The following DYNC1I1 variants were observed in gnomAD, a reference collection of about 807,000 sequenced individuals.
DYNC1I1 encodes the protein cytoplasmic dynein 1 intermediate chain 1.
In DYNC1I1, 43 loss-of-function variants were observed where a neutral mutation model predicts 86.6. That is an observed-to-expected ratio of 0.50 (90% CI 0.39 to 0.64). DYNC1I1 has a LOEUF of 0.64. DYNC1I1 is among the 30% of genes least tolerant of loss of function. The pLI is 0.00. For missense variants in DYNC1I1, 604 were observed against 788.8 expected, an observed-to-expected ratio of 0.77 and a Z score of 2.81; for synonymous variants, 262 against 283.7, an observed-to-expected ratio of 0.92 and a Z score of 0.77.
chr7:95,939,652 A>G (rs1324310133), intron 6 of DYNC1I1, among the ~76,000 whole-genome samples: 1 of 150,802 alleles, frequency 6.6e-6, no homozygotes, highest in Non-Finnish European at 1.5e-5. Context: ...TTTGCTTGGT[A>G]GATCTTCCTC....
rs539873311 is a variant in DYNC1I1, at chr7:95,824,594, A to G, written c.315-3463A>G. ...AATAAGATCTCTGCCCATTGGTTAA[A>G]TAAATTATTCTAACTGGAGAAGAGA... On this transcript the variant is annotated intron_variant, in intron 4 of 16. Coordinates refer to ENST00000447467, the MANE Select transcript of DYNC1I1 (RefSeq NM_001135556.2). Among the ~76,000 whole-genome samples, 150 of 152,352 alleles carry G rather than the reference A, an allele frequency of 9.8e-4. 1 individual carries two copies. The Middle Eastern group carries it at 0.017, about 17-fold the overall frequency.
At chr7:95,805,432 A>G (rs1425497618) in intron 2 of DYNC1I1, among the ~76,000 whole-genome samples, 1 of 152,084 alleles carries the variant, frequency 6.6e-6, no homozygotes, top group Non-Finnish European at 1.5e-5. Flanking sequence ...GAGAAGGTAA[A>G]TAGGATAGTA....
At chr7:95,806,301 T>C (rs1203329978) in intron 2 of DYNC1I1, among the ~76,000 whole-genome samples, 3 of 152,206 alleles carry the variant, frequency 2.0e-5, no homozygotes, top group Non-Finnish European at 4.4e-5. Flanking sequence ...AAATGTGATG[T>C]GATATGGGAA....
intron 13 of DYNC1I1, 70 bp from the exon 14 acceptor site, chr7:96,039,207 G>A (rs1165943359): frequency 2.0e-6 from 3 of 1,523,680 alleles, no homozygotes; most frequent in South Asian, 1.3e-5. Context: ...TTTTTGTTTT[G>A]TTTTGTTTTT....
chr7:95,908,957 T>C (rs1022371387), intron 6 of DYNC1I1, among the ~76,000 whole-genome samples: 2 of 151,796 alleles, frequency 1.3e-5, no homozygotes, highest in Admixed American at 1.3e-4. Context: ...GGGAGGACTA[T>C]GGGACGGCAG....
At chr7:96,096,870 A>T (rs553525568) in intron 16 of DYNC1I1, among the ~76,000 whole-genome samples, 2 of 152,250 alleles carry the variant, frequency 1.3e-5, no homozygotes, top group African/African-American at 4.8e-5. Flanking sequence ...TAGGATTATT[A>T]TGACGAATGA....
chr7:96,053,921 G>C lies in DYNC1I1; in HGVS notation c.1509+14500G>C, dbSNP rs111716922. On this transcript the variant is annotated intron_variant, in intron 14 of 16. Transcript: ENST00000447467. ...ATTATTCTCATTCTTCTGGTACTTT[G>C]TAAAGAATAGATATAATAAGAATTT... 6.0e-3 allele frequency among the ~76,000 whole-genome samples: 913 copies of C among 152,158 alleles called. 9 individuals carry two copies. The highest frequency in any genetic ancestry group is 0.021 in the African/African-American group (863 of 41,518).
At chr7:96,104,439 C>G (rs1006536074) in intron 16 of DYNC1I1, among the ~76,000 whole-genome samples, 1 of 152,034 alleles carries the variant, frequency 6.6e-6, no homozygotes, top group East Asian at 1.9e-4. Context: ...TCTAGTAAAT[C>G]TTTGCCACAG....
chr7:96,072,746 T>A (rs115048030), intron 14 of DYNC1I1, among the ~76,000 whole-genome samples: 82 of 152,328 alleles, frequency 5.4e-4, no homozygotes, highest in African/African-American at 2.0e-3. Flanking sequence ...TTTAGAATCT[T>A]TAGAACCTCA....
At chr7:96,066,696 C>T (rs1434662454) in intron 14 of DYNC1I1, among the ~76,000 whole-genome samples, 3 of 152,126 alleles carry the variant, frequency 2.0e-5, no homozygotes, top group Non-Finnish European at 4.4e-5. Context: ...ATTCTACCTC[C>T]CTTCTTTAGA....
At chr7:95,875,788 G>A (rs1018664647) in intron 6 of DYNC1I1, among the ~76,000 whole-genome samples, 1 of 152,154 alleles carries the variant, frequency 6.6e-6, no homozygotes, top group African/African-American at 2.4e-5. Flanking sequence ...CTTGTGATTT[G>A]TTCTTTTGGC....
intron 6 of DYNC1I1, among the ~76,000 whole-genome samples, chr7:95,890,872 G>GA (rs913087051): frequency 1.3e-5 from 2 of 152,104 alleles, no homozygotes; most frequent in African/African-American, 4.8e-5. Context: ...TAGTTTATTA[G>GA]AAAAAAATCT....
intron 6 of DYNC1I1, among the ~76,000 whole-genome samples, chr7:95,871,352 G>A (rs1325576944): frequency 6.6e-6 from 1 of 152,142 alleles, no homozygotes. Flanking sequence ...TACAGTTAGC[G>A]AGGGGGAAAG....
At chr7:96,013,043 C>T (rs780158039) in intron 10 of DYNC1I1, among the ~76,000 whole-genome samples, 2 of 151,828 alleles carry the variant, frequency 1.3e-5, no homozygotes, top group Non-Finnish European at 2.9e-5. Context: ...GTGATGGGTA[C>T]CCTAAAATCT....
intron 6 of DYNC1I1, among the ~76,000 whole-genome samples, chr7:95,965,474 A>G (rs1248331180): frequency 2.0e-5 from 3 of 152,340 alleles, no homozygotes. Flanking sequence ...TTTGTCATCA[A>G]TAATAACAAA....
At chr7:96,079,020 T>G (rs903750546) in intron 15 of DYNC1I1, among the ~76,000 whole-genome samples, 36 of 118,232 alleles carry the variant, frequency 3.0e-4, no homozygotes, top group African/African-American at 5.2e-4. Context: ...ACTTTTGGGG[T>G]TTTTTTTTGT....
chr7:95,827,950 G>T (rs955832133), intron 4 of DYNC1I1, 107 bp from the exon 5 acceptor site: 3 of 1,065,828 alleles, frequency 2.8e-6, no homozygotes, highest in Non-Finnish European at 4.3e-6. Flanking sequence ...TTCTGTGTAT[G>T]TATTGTATAT....
chr7:95,866,315 T>C (rs1395875337), intron 5 of DYNC1I1, among the ~76,000 whole-genome samples: 1 of 152,220 alleles, frequency 6.6e-6, no homozygotes, highest in East Asian at 1.9e-4. Context: ...GCTTCTAAAA[T>C]GACCACACGT....
intron 14 of DYNC1I1, among the ~76,000 whole-genome samples, chr7:96,043,774 C>A (rs1244286810): frequency 6.6e-6 from 1 of 151,804 alleles, no homozygotes; most frequent in African/African-American, 2.4e-5. Context: ...GCAGTGGCAC[C>A]ATCTCGGCTC....
Sources: gnomAD v4.1 joint callset for allele counts (sites outside exome capture counted in the v4.1 genomes callset) on GRCh38, gnomAD v4.1.1 for gene constraint, MANE v1.5 for transcripts, NCBI Gene and HGNC (gene_info 2026-07-23, HGNC 2026-07-21) for gene names.